PFKP: variants seen among roughly 807,000 people sequenced by gnomAD.
PFKP encodes phosphofructokinase, platelet.
In PFKP, 101 loss-of-function variants were observed where a neutral mutation model predicts 94.3. That is an observed-to-expected ratio of 1.07 (90% CI 0.91 to 1.26). The LOEUF (loss-of-function observed/expected upper bound fraction) is 1.26, where lower values mean the gene tolerates loss of function less well. Among genes scored for constraint, PFKP ranks in the 50% most tolerant of loss-of-function variants. PFKP has a pLI of 0.00. For missense variants in PFKP, 1,145 were observed against 1,103.3 expected (o/e 1.04, Z -0.53); for synonymous variants, 573 against 432.6 (o/e 1.32, Z -4.03).
chr10:3,101,273 T>C (rs73573156), intron 3 of PFKP, 92 bp from the exon 4 acceptor site: 44,084 of 1,047,644 alleles, frequency 0.042, 3,431 homozygotes, highest in African/African-American at 0.3. Context: ...ATGTAAATTC[T>C]AGCACCCCAT....
In PFKP at chr10:3,103,836, T is replaced by C. The variant is rs750768300; in HGVS notation, c.512T>C (p.Val171Ala). ...KYAYLNVVGMVGSIDNDFCGT... is the reference protein window; with the variant it reads ...KYAYLNVVGMAGSIDNDFCGT... The stretch of plus-strand genomic sequence containing the variant: ...GCCTACCTCAACGTGGTGGGCATGG[T>C]GGGCTCCATCGACAATGATTTCTGC... The change falls in exon 5 of 22, where the codon GTG becomes GCG. Residue 171 changes from valine (V) to alanine (A), a missense_variant. By Grantham distance (64) the Val-to-Ala change is moderately conservative. Coordinates refer to ENST00000381125, the MANE Select transcript of PFKP (RefSeq NM_002627.5). 1.2e-6 allele frequency: 2 copies of C among 1,614,032 alleles called. No individual in the cohort carries two copies. Among genetic ancestry groups the C allele is most frequent in the Admixed American group, 3.3e-5 (2 of 60,028 alleles).
rs891392877 is a variant in PFKP at position 3,136,709 on chromosome 10, C to T, written c.*130C>T. Reference sequence around the variant, plus strand: ...CTAATCGGCGAGTGCCCATCTGCCCCACCTGCTCCAGTGCGTGCTGTCTGT... The same window carrying T: ...CTAATCGGCGAGTGCCCATCTGCCCTACCTGCTCCAGTGCGTGCTGTCTGT... On this transcript the variant is annotated 3_prime_UTR_variant, in exon 22 of 22. Transcript: ENST00000381125. The T allele has an allele frequency of 4.4e-6, 4 of 917,940 alleles. No individual in the cohort carries two copies. The highest frequency in any genetic ancestry group is 3.3e-5 in the African/African-American group (2 of 61,362). 56.9% of individuals were successfully genotyped at this position (917,940 alleles called of 1,614,324 possible).
intron 10 of PFKP, among the ~76,000 whole-genome samples, chr10:3,109,728 C>T (rs1482733172): frequency 2.0e-5 from 3 of 152,220 alleles, no homozygotes; most frequent in Non-Finnish European, 4.4e-5. Flanking sequence ...ATAGTCGTAA[C>T]CTCCCCTGAG....
intron 4 of PFKP, among the ~76,000 whole-genome samples, chr10:3,102,075 C>T (rs1344639391): frequency 1.3e-5 from 2 of 150,364 alleles, no homozygotes; most frequent in African/African-American, 2.4e-5. Flanking sequence ...AACGGTGAAA[C>T]CCCGTCTCTA....
At position 3,091,046 on chromosome 10, in the gene PFKP, C is replaced by T. The variant is rs1022833316; in HGVS notation, c.187-8229C>T. 6.8e-4 allele frequency among the ~76,000 whole-genome samples: 103 copies of T among 152,124 alleles called. 1 individual carries two copies. The highest frequency in any genetic ancestry group is 3.9e-4 in the Admixed American group (6 of 15,282). The stretch of plus-strand genomic sequence containing the variant: ...GCGTTTCTGCTGAAAGCCTGGCCTT[C>T]ATCGAGGGACCTCTGCTGTCTGGCC... On this transcript the variant is annotated intron_variant, in intron 2 of 21. Transcript: ENST00000381125.
rs777333688 is a variant in PFKP, at chr10:3,105,424, G to A, written c.697G>A (p.Gly233Ser). Residue 233 changes from glycine to serine, a missense_variant, in exon 7 of 22, where the codon GGT becomes AGT. By Grantham distance (56) the Gly-to-Ser change is moderately conservative (BLOSUM62 0). Coordinates refer to ENST00000381125, the MANE Select transcript of PFKP (RefSeq NM_002627.5). ...YLALVSALACGADWVFLPESP... is the reference protein window; with the variant it reads ...YLALVSALACSADWVFLPESP... ...GGCCCTGGTGAGTGCCTTGGCCTGC[G>A]GTGCGGACTGGGTGTTCCTTCCAGA... The A allele has an allele frequency of 9.3e-6, 15 of 1,613,876 alleles. No homozygotes were observed. Among genetic ancestry groups the A allele is most frequent in the East Asian group, 4.5e-5 (2 of 44,888 alleles).
chr10:3,069,258 A>C, intron 1 of PFKP: 1 of 1,464,320 alleles, frequency 6.8e-7, no homozygotes, highest in South Asian at 1.4e-5. Flanking sequence ...CCCCAGCATC[A>C]ACGTTCTTCC....
At chr10:3,089,670 T>C (rs1032172487) in intron 2 of PFKP, among the ~76,000 whole-genome samples, 1 of 149,704 alleles carries the variant, frequency 6.7e-6, no homozygotes, top group African/African-American at 2.4e-5. Flanking sequence ...TTATTATACA[T>C]TATGTATAAT....
intron 16 of PFKP, among the ~76,000 whole-genome samples, chr10:3,127,711 C>T (rs1029146506): frequency 1.3e-5 from 2 of 152,166 alleles, no homozygotes; most frequent in African/African-American, 2.4e-5. Context: ...GTCCTCTGTC[C>T]TCCTAAGCAC....
chr10:3,108,769 C>G lies in PFKP; in HGVS notation c.939C>G (p.Thr313=). The G allele has an allele frequency of 1.2e-6, 2 of 1,613,314 alleles. No individual in the cohort carries two copies. The highest frequency in any genetic ancestry group is 1.7e-6 in the Non-Finnish European group (2 of 1,179,338). ...TILGHVQRGG[T]PSAFDRILAS... ...TCGGGCACGTGCAGAGAGGAGGGAC[C>G]CCTTCGGCATTCGACAGGATCTTGG... The change falls in exon 9 of 22, where the codon ACC becomes ACG. Residue 313 remains threonine, a synonymous_variant. Transcript: ENST00000381125.
intron 1 of PFKP, among the ~76,000 whole-genome samples, chr10:3,080,998 C>T (rs1196654370): frequency 1.3e-5 from 2 of 152,146 alleles, no homozygotes; most frequent in African/African-American, 4.8e-5. Flanking sequence ...GTTTGATGTT[C>T]TTGAGAGATG....
intron 2 of PFKP, among the ~76,000 whole-genome samples, chr10:3,093,094 C>T (rs12249060): frequency 0.33 from 50,630 of 151,184 alleles, 8,600 homozygotes; most frequent in Middle Eastern, 0.38. Context: ...CCTGAGCTCC[C>T]GCTCCTGGGA....
chr10:3,124,536 C>T (rs1044521311), intron 16 of PFKP, among the ~76,000 whole-genome samples: 20 of 152,342 alleles, frequency 1.3e-4, no homozygotes, highest in African/African-American at 2.2e-4. Context: ...AGCTTCCGCC[C>T]GGAGAGCAGA....
chr10:3,108,635 C>G, intron 8 of PFKP, 66 bp from the exon 9 acceptor site: 2 of 1,183,074 alleles, frequency 1.7e-6, no homozygotes, highest in Non-Finnish European at 2.5e-6. Context: ...CCCAGTACCT[C>G]CTTCCAGATC....
chr10:3,113,035 C>G (rs1836412681), intron 11 of PFKP, 84 bp from the exon 12 acceptor site: 2 of 1,223,486 alleles, frequency 1.6e-6, no homozygotes, highest in African/African-American at 1.5e-5. Flanking sequence ...TGAGTGCTGG[C>G]AGATAAGCCA....
intron 1 of PFKP, among the ~76,000 whole-genome samples, chr10:3,081,006 A>C (rs545296528): frequency 6.6e-6 from 1 of 152,204 alleles, no homozygotes; most frequent in Non-Finnish European, 1.5e-5. Context: ...TTCTTGAGAG[A>C]TGGCCACTAG....
chr10:3,127,856 C>T (rs898944051), intron 16 of PFKP, among the ~76,000 whole-genome samples: 2 of 152,192 alleles, frequency 1.3e-5, no homozygotes, highest in African/African-American at 4.8e-5. Flanking sequence ...AAAGAATCTG[C>T]CAAAGAAACT....
intron 1 of PFKP, among the ~76,000 whole-genome samples, chr10:3,079,366 C>T (rs1403886587): frequency 1.3e-5 from 2 of 151,990 alleles, no homozygotes; most frequent in African/African-American, 4.8e-5. Context: ...TCCCGAGTAG[C>T]TGGGACTACA....
chr10:3,101,297 C>A, intron 3 of PFKP, 68 bp from the exon 4 acceptor site: 1 of 1,295,322 alleles, frequency 7.7e-7, no homozygotes, highest in Non-Finnish European at 1.1e-6. Flanking sequence ...TATAGTCGGC[C>A]TGTGTGTGCC....
Sources: gnomAD v4.1 joint callset for allele counts (sites outside exome capture counted in the v4.1 genomes callset) on GRCh38, gnomAD v4.1.1 for gene constraint, MANE v1.5 for transcripts, NCBI Gene and HGNC (gene_info 2026-07-23, HGNC 2026-07-21) for gene names.